Variants in CPZ observed in about 807,000 individuals in gnomAD.
CPZ encodes the protein carboxypeptidase Z.
Under a neutral mutation model 61.8 loss-of-function variants are expected in CPZ, and 103 were observed. That is an observed-to-expected ratio of 1.67 (90% CI 1.42 to 1.96). The LOEUF is 1.96. Among genes scored for constraint, CPZ ranks in the 30% most tolerant of loss-of-function variants. The pLI is 0.00. For synonymous variants in CPZ, 551 were observed against 373.7 expected (o/e 1.47, Z -5.47); for missense variants, 1,461 against 914.9 (o/e 1.60, Z -7.70).
chr4:8,599,120 T>C (rs1714384640), intron 1 of CPZ, among the ~76,000 whole-genome samples: 1 of 152,236 alleles, frequency 6.6e-6, no homozygotes, highest in Non-Finnish European at 1.5e-5. Flanking sequence ...CACTCACAGA[T>C]GCCACCTCAG....
At chr4:8,610,817 C>T (rs972505901) in intron 7 of CPZ, among the ~76,000 whole-genome samples, 1 of 152,118 alleles carries the variant, frequency 6.6e-6, no homozygotes, top group African/African-American at 2.4e-5. Context: ...GTGTTTGTGC[C>T]CTTGGTTTGT....
intron 7 of CPZ, among the ~76,000 whole-genome samples, chr4:8,609,880 A>AG (rs1189677964): frequency 6.6e-6 from 1 of 152,120 alleles, no homozygotes. Context: ...GGAGCATGAG[A>AG]GGGGCTGGCT....
chr4:8,618,261 T>G, intron 9 of CPZ, 168 bp from the exon 10 acceptor site: 2 of 617,964 alleles, frequency 3.2e-6, no homozygotes, highest in Non-Finnish European at 5.7e-6. Context: ...GAGAGGGGAG[T>G]GACTGACTCG....
intron 7 of CPZ, among the ~76,000 whole-genome samples, chr4:8,608,396 A>T (rs1476442066): frequency 6.6e-6 from 1 of 152,164 alleles, no homozygotes; most frequent in Non-Finnish European, 1.5e-5. Flanking sequence ...CGGGCCCCTC[A>T]TAACAGCAGT....
At chr4:8,614,563 G>A in intron 9 of CPZ, 65 bp downstream of exon 9, 1 of 1,553,986 alleles carries the variant, frequency 6.4e-7, no homozygotes, top group Non-Finnish European at 8.7e-7. Context: ...TCACATTCAG[G>A]CCCCCAGGGC....
In CPZ at chr4:8,614,319, G is replaced by A. The variant is rs780084297; in HGVS notation, c.1364-40G>A. The A allele has an allele frequency of 3.1e-5, 50 of 1,588,672 alleles. 1 individual carries two copies. Among genetic ancestry groups the A allele is most frequent in the Admixed American group, 2.0e-4 (12 of 58,580 alleles). ...CCTGACGTCCCGGCTGTCTCTGTGC[G>A]GCTGACACCCCTGACGTCCCCGCTG... On this transcript the variant is annotated intron_variant, in intron 8 of 10. Coordinates refer to ENST00000360986, the MANE Select transcript of CPZ (RefSeq NM_001014447.3).
intron 7 of CPZ, among the ~76,000 whole-genome samples, chr4:8,608,326 G>T (rs1232805935): frequency 6.6e-6 from 1 of 152,166 alleles, no homozygotes; most frequent in Non-Finnish European, 1.5e-5. Flanking sequence ...CTTTCCCTTG[G>T]TGTTTGGGGG....
rs1395593250 is a variant in CPZ, at chr4:8,604,144, T to C, written c.665T>C (p.Leu222Pro). 1.3e-6 allele frequency: 2 copies of C among 1,587,450 alleles called. No homozygotes were observed. The highest frequency in any genetic ancestry group is 2.3e-5 in the East Asian group (1 of 43,432). ...SIGRSFDGRE[L>P]LVIEFSSRPG... is the part of the protein sequence containing the mutation. ...GGGCGCAGCTTCGACGGCAGGGAGC[T>C]GCTGGTCATCGAGTTCTCCAGCCGC... The change falls in exon 4 of 11, where the codon CTG (leucine) becomes CCG (proline). Residue 222 changes from leucine to proline, a missense_variant. Transcript: ENST00000360986.
chr4:8,605,330 C>CTATCCATCCATCCATCCATCATTTATG (rs1553876725), intron 4 of CPZ, among the ~76,000 whole-genome samples: 13,048 of 149,234 alleles, frequency 0.087, 651 homozygotes, highest in South Asian at 0.15. Context: ...ATTCATCCAT[C>CTATCCATCCATCCATCCATCATTTATG]CATCCATCCA....
At position 8,606,044 on chromosome 4, in the gene CPZ, G is replaced by A. The variant is rs368212553; in HGVS notation, c.765G>A (p.Arg255=). The A allele has an allele frequency of 7.4e-6, 12 of 1,614,142 alleles. No homozygotes were observed. Among genetic ancestry groups the A allele is most frequent in the South Asian group, 2.2e-5 (2 of 91,074 alleles). ...GNIHGNEVAG[R]EMLIYLAQYL... is the part of the protein sequence containing the mutation. Reference sequence around the variant, plus strand: ...TTCATGGCAACGAGGTGGCGGGCCGGGAGATGCTCATCTACCTAGCCCAGT... The same window carrying A: ...TTCATGGCAACGAGGTGGCGGGCCGAGAGATGCTCATCTACCTAGCCCAGT... Residue 255 remains arginine, a synonymous_variant, in exon 5 of 11, where the codon CGG becomes CGA. Coordinates refer to ENST00000360986, the MANE Select transcript of CPZ (RefSeq NM_001014447.3).
intron 8 of CPZ, among the ~76,000 whole-genome samples, chr4:8,613,860 A>C (rs1166217522): frequency 6.6e-6 from 1 of 152,220 alleles, no homozygotes; most frequent in African/African-American, 2.4e-5. Flanking sequence ...TGGTCAGGAC[A>C]GCGTCTGGGT....
intron 8 of CPZ, among the ~76,000 whole-genome samples, 179 bp from the exon 9 acceptor site, chr4:8,614,180 G>A (rs570475561): frequency 6.6e-6 from 1 of 152,310 alleles, no homozygotes; most frequent in African/African-American, 2.4e-5. Flanking sequence ...CGTCTGTGGC[G>A]AGTACCTGCT....
intron 8 of CPZ, among the ~76,000 whole-genome samples, chr4:8,612,496 T>C (rs562891011): frequency 2.6e-5 from 4 of 152,196 alleles, no homozygotes; most frequent in Non-Finnish European, 5.9e-5. Context: ...TCCAGTTAAA[T>C]TGGAATTCCA....
rs539027131 is a variant in CPZ at position 8,609,724 on chromosome 4, G to A, written c.1227+2299G>A. Among the ~76,000 whole-genome samples the A allele has an allele frequency of 2.0e-5, 3 of 152,366 alleles. No homozygotes were observed. The South Asian group carries it at 6.2e-4, about 32-fold the overall frequency. On this transcript the variant is annotated intron_variant, in intron 7 of 10. Coordinates refer to ENST00000360986, the MANE Select transcript of CPZ (RefSeq NM_001014447.3). The stretch of plus-strand genomic sequence containing the variant: ...AGATGTGAGAAGACGTCCCCAGGGG[G>A]GATGTTCACCCCAGTGAGTCCCATC...
intron 9 of CPZ, among the ~76,000 whole-genome samples, chr4:8,617,183 C>A (rs557641041): frequency 6.6e-6 from 1 of 152,196 alleles, no homozygotes. Flanking sequence ...GGGGGTCAGC[C>A]GCGGTGGGAT....
chr4:8,617,268 G>A (rs1716256170), intron 9 of CPZ, among the ~76,000 whole-genome samples: 1 of 152,214 alleles, frequency 6.6e-6, no homozygotes, highest in Non-Finnish European at 1.5e-5. Flanking sequence ...ACATTTTACA[G>A]CTGAGGAAAC....
chr4:8,609,028 T>TTCACTCACCCATTCAC (rs144805037), intron 7 of CPZ, among the ~76,000 whole-genome samples: 44,998 of 105,632 alleles, frequency 0.43, 9,388 homozygotes, highest in African/African-American at 0.64. Context: ...AACTCACTCC[T>TTCACTCACCCATTCAC]TCACTCACCC....
intron 7 of CPZ, among the ~76,000 whole-genome samples, chr4:8,609,056 C>CTCATACACTCACCCAT (rs1560297683): frequency 1.2e-4 from 10 of 84,640 alleles, no homozygotes; most frequent in African/African-American, 6.5e-4. Context: ...CCCTCCCTCC[C>CTCATACACTCACCCAT]TCACTCCCTC....
chr4:8,619,585 A>G lies in CPZ; in HGVS notation c.1927A>G (p.Thr643Ala). 1 of 1,518,758 alleles carries G rather than the reference A, an allele frequency of 6.6e-7. No homozygotes were observed. Among genetic ancestry groups the G allele is most frequent in the South Asian group, 1.3e-5 (1 of 75,560 alleles). The allele number at this position is 1,518,758 out of a possible 1,614,324, so 94.1% of individuals were successfully genotyped here. A position where few individuals can be genotyped will look rare whatever the true frequency, so the allele number is the denominator to read the frequency against. ...WWWSYFTSLS[T>A]HRPRWLLKY ...GTGGTCCTACTTCACATCGCTGAGC[A>G]CCCACAGGCCACGCTGGCTGCTCAA... The change falls in exon 11 of 11, where the codon ACC becomes GCC. Residue 643 changes from threonine to alanine, a missense_variant. Coordinates refer to ENST00000360986, the MANE Select transcript of CPZ (RefSeq NM_001014447.3).
Sources: allele counts gnomAD v4.1 joint callset (sites outside exome capture counted in the v4.1 genomes callset), GRCh38; gene constraint gnomAD v4.1.1; transcripts MANE v1.5; gene names NCBI Gene and HGNC (gene_info 2026-07-23, HGNC 2026-07-21).